XXYLT1: variants seen among roughly 807,000 people sequenced by gnomAD.
XXYLT1 encodes UDP-xylose:alpha-xyloside alpha-1,3-xylosyltransferase.
A neutral mutation model predicts 28.9 loss-of-function variants in XXYLT1; 20 were observed. The observed-to-expected ratio is 0.69, with a 90% CI of 0.49 to 1.00. The LOEUF (loss-of-function observed/expected upper bound fraction) is 1.00, where lower values mean the gene tolerates loss of function less well. XXYLT1 is among the 50% of genes least tolerant of loss of function. The pLI is 0.00. For synonymous variants in XXYLT1, 257 were observed against 253.8 expected, an observed-to-expected ratio of 1.01 and a Z score of -0.12; for missense variants, 542 against 560.1, an observed-to-expected ratio of 0.97 and a Z score of 0.33.
At position 195,210,761 on chromosome 3, in the gene XXYLT1, A is replaced by G. The variant is rs1046699296; in HGVS notation, c.652+15948T>C. The stretch of plus-strand genomic sequence containing the variant: ...TGCTCCATAAGAGCTGCCAGAAAAT[A>G]GTTTTCACTGAAATCACTGGACACA... On this transcript the variant is annotated intron_variant, in intron 2 of 3. Coordinates refer to ENST00000310380, the MANE Select transcript of XXYLT1 (RefSeq NM_152531.5). The surrounding 1 kb of genome is among the most constrained non-coding windows in gnomAD (Gnocchi z 4.8). Among the ~76,000 whole-genome samples, 1 of 152,120 alleles carries G rather than the reference A, an allele frequency of 6.6e-6. No homozygotes were observed. The highest frequency in any genetic ancestry group is 2.4e-5 in the African/African-American group (1 of 41,440).
At chr3:195,239,564 G>A (rs1411865803) in intron 1 of XXYLT1, among the ~76,000 whole-genome samples, 1 of 152,160 alleles carries the variant, frequency 6.6e-6, no homozygotes, top group East Asian at 1.9e-4. Context: ...ATGATTTTTA[G>A]GAATGTAGAC....
intron 1 of XXYLT1, among the ~76,000 whole-genome samples, chr3:195,263,025 C>CT (rs1333314568): frequency 6.6e-5 from 10 of 152,310 alleles, no homozygotes; most frequent in African/African-American, 2.2e-4. Context: ...GTGCCTGCTG[C>CT]TGTGACAAGC....
chr3:195,254,331 C>T (rs1272399371), intron 1 of XXYLT1, among the ~76,000 whole-genome samples: 4 of 152,222 alleles, frequency 2.6e-5, no homozygotes, highest in South Asian at 2.1e-4. Flanking sequence ...CGAAGCCTGA[C>T]GAGGTGATTT....
chr3:195,253,511 T>C (rs1377976470), intron 1 of XXYLT1, among the ~76,000 whole-genome samples: 1 of 150,614 alleles, frequency 6.6e-6, no homozygotes. Flanking sequence ...TTCTTTTTTT[T>C]TTTTTTTTTT....
chr3:195,253,488 C>T (rs1725350257), intron 1 of XXYLT1, among the ~76,000 whole-genome samples: 1 of 150,758 alleles, frequency 6.6e-6, no homozygotes, highest in Non-Finnish European at 1.5e-5. Context: ...CAACTGCTCA[C>T]ATTTCTTTTT....
rs1720606491 is a variant in XXYLT1 at position 195,156,581 on chromosome 3, T to C, written c.653A>G (p.Glu218Gly). 1 of 1,613,982 alleles carries C rather than the reference T, an allele frequency of 6.2e-7. No individual in the cohort carries two copies. The highest frequency in any genetic ancestry group is 1.3e-5 in the African/African-American group (1 of 74,928). ...SVAMHQIMPK[E>G]ILQIIQLDLD... The stretch of plus-strand genomic sequence containing the variant: ...GTCCAGCTGAATGATCTGCAGGATC[T>C]CTGCGGGAAAGAGAAAAGGACAATG... The change falls in exon 3 of 4, where the codon GAG becomes GGG. Residue 218 changes from glutamate to glycine, a missense_variant and splice_region_variant. Physicochemically the swap from Glu to Gly is moderately conservative, Grantham distance 98. Transcript: ENST00000310380.
Position 195,210,848 on chromosome 3 carries a change from C to T in XXYLT1, c.652+15861G>A, listed in dbSNP as rs1046273730. Among the ~76,000 whole-genome samples the T allele has an allele frequency of 1.3e-5, 2 of 152,210 alleles. No homozygotes were observed. The highest frequency in any genetic ancestry group is 2.9e-5 in the Non-Finnish European group (2 of 68,040). ...TTCACTCAGGCAAGTTCCTGAATGT[C>T]TGTTTTTTCCTTTGCTTTCTTCCAC... On this transcript the variant is annotated intron_variant, in intron 2 of 3. Coordinates refer to ENST00000310380, the MANE Select transcript of XXYLT1 (RefSeq NM_152531.5). This position sits in a 1 kb window ranked among gnomAD's most constrained non-coding sequence, Gnocchi z 4.8.
rs1254889362 is a variant in XXYLT1 at position 195,077,285 on chromosome 3, T to G, written c.786-7174A>C. 6.6e-6 allele frequency among the ~76,000 whole-genome samples: 1 copy of G among 152,152 alleles called. No homozygotes were observed. Among genetic ancestry groups the G allele is most frequent in the African/African-American group, 2.4e-5 (1 of 41,434 alleles). On this transcript the variant is annotated intron_variant, in intron 3 of 3. Transcript: ENST00000310380. This position sits in a 1 kb window ranked among gnomAD's most constrained non-coding sequence, Gnocchi z 4.8. ...CAGAGAGATGTCCAAAAGCTCCCCCTTGCAACATCTCCTGCAATCTCAACC... is the reference window on the plus strand; with the variant it reads ...CAGAGAGATGTCCAAAAGCTCCCCCGTGCAACATCTCCTGCAATCTCAACC...
At chr3:195,206,167 C>T (rs976416488) in intron 2 of XXYLT1, among the ~76,000 whole-genome samples, 1 of 151,560 alleles carries the variant, frequency 6.6e-6, no homozygotes, top group African/African-American at 2.4e-5. Flanking sequence ...CCCACCACCA[C>T]GCCCAGCTAA....
Position 195,115,458 on chromosome 3 carries a change from C to T in XXYLT1, c.785+40991G>A, listed in dbSNP as rs964301918. On this transcript the variant is annotated intron_variant, in intron 3 of 3. Transcript: ENST00000310380. This position sits in a 1 kb window ranked among gnomAD's most constrained non-coding sequence, Gnocchi z 4.2. ...CAGCCGGAAACCTGCCCCTTGAGCCCCTCCAACAATGTTGTAAGCACCTAA... is the reference window on the plus strand; with the variant it reads ...CAGCCGGAAACCTGCCCCTTGAGCCTCTCCAACAATGTTGTAAGCACCTAA... 3.3e-5 allele frequency among the ~76,000 whole-genome samples: 5 copies of T among 152,292 alleles called. No individual in the cohort carries two copies. In the East Asian group the frequency reaches 9.7e-4, roughly 29 times the overall value.
intron 2 of XXYLT1, among the ~76,000 whole-genome samples, chr3:195,175,146 C>G (rs1721599141): frequency 2.0e-5 from 3 of 152,212 alleles, no homozygotes; most frequent in Admixed American, 2.0e-4. Context: ...GGGCTGTGCC[C>G]TCAGAGCCAC....
intron 2 of XXYLT1, among the ~76,000 whole-genome samples, chr3:195,190,392 G>A (rs1463401412): frequency 1.3e-5 from 2 of 151,480 alleles, no homozygotes; most frequent in African/African-American, 4.9e-5. Flanking sequence ...CTACACAGGA[G>A]GCTGAGGCAA....
chr3:195,125,706 A>G (rs1307933777), intron 3 of XXYLT1, among the ~76,000 whole-genome samples: 2 of 152,254 alleles, frequency 1.3e-5, no homozygotes, highest in African/African-American at 2.4e-5. Context: ...TTCAACTGAA[A>G]TCTTGCCTGG....
At chr3:195,126,301 C>T (rs955388096) in intron 3 of XXYLT1, among the ~76,000 whole-genome samples, 2 of 152,196 alleles carry the variant, frequency 1.3e-5, no homozygotes, top group East Asian at 1.9e-4. Flanking sequence ...TATTCGTTAC[C>T]GCACCTGACC....
chr3:195,160,855 G>A (rs1430330743), intron 2 of XXYLT1, among the ~76,000 whole-genome samples: 1 of 152,252 alleles, frequency 6.6e-6, no homozygotes, highest in Non-Finnish European at 1.5e-5. Flanking sequence ...GTTGGAATTG[G>A]CGGTGGTGGA....
At chr3:195,153,794 C>T (rs1720409958) in intron 3 of XXYLT1, 1 of 152,188 alleles carries the variant, frequency 6.6e-6, no homozygotes, top group Non-Finnish European at 1.5e-5. Context: ...CCAAAGCAGG[C>T]CTTGAAGGCA....
rs199594489 is a variant in XXYLT1 at position 195,113,086 on chromosome 3, C to T, written c.786-42975G>A. On this transcript the variant is annotated intron_variant, in intron 3 of 3. Coordinates refer to ENST00000310380, the MANE Select transcript of XXYLT1 (RefSeq NM_152531.5). Reference sequence around the variant, plus strand: ...AGGAACATTAATCCATACCCAGAGGCTGTGTGAAGATTAAACAGCATTTCA... The same window carrying T: ...AGGAACATTAATCCATACCCAGAGGTTGTGTGAAGATTAAACAGCATTTCA... Among the ~76,000 whole-genome samples the T allele has an allele frequency of 2.6e-5, 4 of 152,248 alleles. No individual in the cohort carries two copies. The East Asian group carries it at 5.8e-4, about 22-fold the overall frequency.
At chr3:195,110,572 G>A in intron 3 of XXYLT1, among the ~76,000 whole-genome samples, 1 of 112,890 alleles carries the variant, frequency 8.9e-6, no homozygotes, top group East Asian at 2.5e-4. Flanking sequence ...TGTATGTGGT[G>A]TGTTGTGTGG....
chr3:195,088,217 C>T (rs1715884592), intron 3 of XXYLT1, among the ~76,000 whole-genome samples: 1 of 151,560 alleles, frequency 6.6e-6, no homozygotes, highest in African/African-American at 2.4e-5. Flanking sequence ...TCTGTAGGCT[C>T]CACCTCTGGG....
Sources: allele counts gnomAD v4.1 joint callset (sites outside exome capture counted in the v4.1 genomes callset), GRCh38; gene constraint gnomAD v4.1.1; non-coding constraint Gnocchi (gnomAD v3.1); transcripts MANE v1.5; gene names NCBI Gene and HGNC (gene_info 2026-07-23, HGNC 2026-07-21).